Variants in CDH13 observed in about 807,000 individuals in gnomAD.
CDH13 encodes cadherin-13.
In CDH13, 24 loss-of-function variants were observed where a neutral mutation model predicts 63.8. The observed-to-expected ratio is 0.38, with a 90% confidence interval of 0.27 to 0.53. CDH13 has a LOEUF of 0.53. CDH13 is among the 20% of genes least tolerant of loss of function. The pLI is 0.85. For missense variants in CDH13, 1,049 were observed against 903.1 expected, an observed-to-expected ratio of 1.16 and a Z score of -2.07; for synonymous variants, 503 against 355.3, an observed-to-expected ratio of 1.42 and a Z score of -4.67.
intron 2 of CDH13, among the ~76,000 whole-genome samples, chr16:82,996,260 A>G (rs994526756): frequency 1.3e-5 from 2 of 152,152 alleles, no homozygotes; most frequent in Non-Finnish European, 2.9e-5. Flanking sequence ...AAATGGTAAG[A>G]AAAAGAAAAA....
chr16:83,340,913 A>G (rs2090707686), intron 5 of CDH13, among the ~76,000 whole-genome samples: 1 of 152,104 alleles, frequency 6.6e-6, no homozygotes. Flanking sequence ...ATTCCCATGC[A>G]GGTCAACCAT....
At position 83,743,816 on chromosome 16, in the gene CDH13, G is replaced by A. The variant is rs1359327428; in HGVS notation, c.1539-4292G>A. ...TTGTTCCAACAGAAGGAGAAAAGAT[G>A]TAATAAACCTTTACCGGGCACCGTC... On this transcript the variant is annotated intron_variant, in intron 10 of 13. Coordinates refer to ENST00000567109, the MANE Select transcript of CDH13 (RefSeq NM_001257.5). 3.5e-5 allele frequency among the ~76,000 whole-genome samples: 4 copies of A among 113,584 alleles called. No individual in the cohort carries two copies. In the Admixed American group the frequency reaches 5.3e-4, roughly 15 times the overall value. 74.5% of individuals were successfully genotyped at this position (113,584 alleles called of 152,430 possible).
chr16:83,041,635 T>C (rs1344872253), intron 3 of CDH13, among the ~76,000 whole-genome samples: 4 of 152,176 alleles, frequency 2.6e-5, no homozygotes, highest in Non-Finnish European at 5.9e-5. Flanking sequence ...AATTGCCCCC[T>C]GTTTCTACAC....
At chr16:83,560,777 C>G (rs887483340) in intron 7 of CDH13, among the ~76,000 whole-genome samples, 1 of 151,702 alleles carries the variant, frequency 6.6e-6, no homozygotes, top group Non-Finnish European at 1.5e-5. Flanking sequence ...ATTCCAAATT[C>G]CCAAGAGATC....
chr16:83,136,486 C>CAAAAAAAA (rs542700844), intron 4 of CDH13, among the ~76,000 whole-genome samples: 2 of 61,546 alleles, frequency 3.2e-5, no homozygotes, highest in African/African-American at 5.5e-5. Context: ...ACTCTGTCTC[C>CAAAAAAAA]AAAAAAAAAA....
intron 6 of CDH13, among the ~76,000 whole-genome samples, chr16:83,482,413 G>C (rs1472524468): frequency 1.3e-5 from 2 of 152,206 alleles, no homozygotes; most frequent in Admixed American, 6.5e-5. Flanking sequence ...CCCTCTCTTG[G>C]AGATTGATGC....
In CDH13 at chr16:83,795,096, C is replaced by G. The variant is rs772313477; in HGVS notation, c.*66C>G. ...GCAACAGGAAAAAAAAAAATCTATC[C>G]AAATCTGAAGATTGCGGTTTACAGC... On this transcript the variant is annotated 3_prime_UTR_variant, in exon 14 of 14. Transcript: ENST00000567109. 2.1e-6 allele frequency: 3 copies of G among 1,423,704 alleles called. No individual in the cohort carries two copies. Among genetic ancestry groups the G allele is most frequent in the Non-Finnish European group, 2.9e-6 (3 of 1,040,632 alleles). The allele number at this position is 1,423,704 out of a possible 1,614,324, so 88.2% of individuals were successfully genotyped here.
chr16:82,885,531 C>T (rs913574637), intron 2 of CDH13, among the ~76,000 whole-genome samples: 1 of 150,256 alleles, frequency 6.7e-6, no homozygotes, highest in Admixed American at 6.7e-5. Flanking sequence ...ATCCATCCAT[C>T]CATCCATCCA....
chr16:83,636,094 T>G (rs1318333985), intron 8 of CDH13, among the ~76,000 whole-genome samples: 1 of 99,160 alleles, frequency 1.0e-5, no homozygotes, highest in African/African-American at 3.7e-5. Flanking sequence ...ATTGTCCCCT[T>G]GATTAAAAAA....
At chr16:83,020,637 C>G (rs536295734) in intron 2 of CDH13, among the ~76,000 whole-genome samples, 1 of 152,314 alleles carries the variant, frequency 6.6e-6, no homozygotes, top group Non-Finnish European at 1.5e-5. Context: ...ATGTAGCTTT[C>G]TTTTCTCTGA....
intron 2 of CDH13, among the ~76,000 whole-genome samples, chr16:82,880,602 C>G (rs554168338): frequency 1.4e-4 from 22 of 152,310 alleles, no homozygotes; most frequent in Admixed American, 4.6e-4. Flanking sequence ...AGAAGGCCAG[C>G]TGCTACTCTA....
At chr16:83,488,688 G>A (rs555617401) in intron 7 of CDH13, among the ~76,000 whole-genome samples, 4 of 151,780 alleles carry the variant, frequency 2.6e-5, no homozygotes, top group Non-Finnish European at 5.9e-5. Context: ...GCAGTGGCAC[G>A]ATCTCAGCTC....
Position 83,011,814 on chromosome 16 carries a change from G to T in CDH13, c.158-20196G>T, listed in dbSNP as rs1336944529. 1.3e-5 allele frequency among the ~76,000 whole-genome samples: 2 copies of T among 152,186 alleles called. 1 individual carries two copies. The highest frequency in any genetic ancestry group is 2.9e-5 in the Non-Finnish European group (2 of 68,044). On this transcript the variant is annotated intron_variant, in intron 2 of 13. Coordinates refer to ENST00000567109, the MANE Select transcript of CDH13 (RefSeq NM_001257.5). The stretch of plus-strand genomic sequence containing the variant: ...TACAGCCAAACCCAGCAAGTGTTCA[G>T]TTCAGCAGAACAAAGGGTCTTGCTC...
chr16:83,535,984 C>T (rs912783705), intron 7 of CDH13, among the ~76,000 whole-genome samples: 2 of 151,546 alleles, frequency 1.3e-5, no homozygotes, highest in Non-Finnish European at 2.9e-5. Flanking sequence ...AGAAAGAAAC[C>T]CATGGACACC....
intron 3 of CDH13, among the ~76,000 whole-genome samples, chr16:83,054,026 A>T (rs2030664809): frequency 6.6e-6 from 1 of 152,220 alleles, no homozygotes. Context: ...ATACACAAAT[A>T]CCATTGTGTT....
intron 5 of CDH13, among the ~76,000 whole-genome samples, chr16:83,335,512 G>A (rs1360791971): frequency 6.6e-6 from 1 of 152,030 alleles, no homozygotes; most frequent in Admixed American, 6.6e-5. Context: ...ATCATTTTAT[G>A]TTTCTTGCCC....
chr16:83,352,561 TAC>T (rs1388912348), intron 6 of CDH13, among the ~76,000 whole-genome samples: 1 of 152,088 alleles, frequency 6.6e-6, no homozygotes, highest in African/African-American at 2.4e-5. Flanking sequence ...CATACATACA[TAC>T]ACACACACAA....
chr16:83,227,431 T>C (rs1440446633), intron 5 of CDH13, among the ~76,000 whole-genome samples: 1 of 152,048 alleles, frequency 6.6e-6, no homozygotes, highest in East Asian at 1.9e-4. Flanking sequence ...TGGGGAATAA[T>C]GTTGTGATGG....
intron 2 of CDH13, among the ~76,000 whole-genome samples, chr16:82,981,411 G>A (rs1325263770): frequency 1.3e-5 from 2 of 152,026 alleles, no homozygotes; most frequent in Non-Finnish European, 2.9e-5. Context: ...TCCTTGGAGG[G>A]TGATGTGGTA....
Sources: gnomAD v4.1 joint callset for allele counts (sites outside exome capture counted in the v4.1 genomes callset) on GRCh38, gnomAD v4.1.1 for gene constraint, MANE v1.5 for transcripts, NCBI Gene and HGNC (gene_info 2026-07-23, HGNC 2026-07-21) for gene names.